Variants in SIPA1L3 observed in about 807,000 individuals in gnomAD.
SIPA1L3 encodes signal induced proliferation associated 1 like 3, also known as signal-induced proliferation-associated 1-like protein 3.
A neutral mutation model predicts 150.1 loss-of-function variants in SIPA1L3; 59 were observed. The observed-to-expected ratio is 0.39, with a 90% CI of 0.32 to 0.49. SIPA1L3 has a LOEUF of 0.49. Among genes scored for constraint, SIPA1L3 ranks in the 20% least tolerant of loss-of-function variants. The pLI, the probability that SIPA1L3 is intolerant of heterozygous loss-of-function variation, is 0.86. For synonymous variants in SIPA1L3, 1,070 were observed against 1,077.6 expected (o/e 0.99, Z 0.14); for missense variants, 2,211 against 2,489.5 (o/e 0.89, Z 2.38).
chr19:38,161,370 A>C (rs988984444), intron 13 of SIPA1L3, among the ~76,000 whole-genome samples: 6 of 151,160 alleles, frequency 4.0e-5, no homozygotes, highest in Non-Finnish European at 8.8e-5. Flanking sequence ...AACTATGTAC[A>C]TACAACCAAC....
intron 21 of SIPA1L3, 40 bp downstream of exon 21, chr19:38,204,248 G>T: frequency 6.6e-7 from 1 of 1,524,110 alleles, no homozygotes; most frequent in Non-Finnish European, 8.9e-7. Context: ...CCACTTCCCA[G>T]ACACTGGGCA....
At position 38,029,492 on chromosome 19, in the gene SIPA1L3, A is replaced by G. The variant is rs138513586; in HGVS notation, c.-311+336A>G. On this transcript the variant is annotated intron_variant, in intron 2 of 21. Transcript: ENST00000222345. ...TAGTATGTTTTGAAGATCTTTGCTC[A>G]TGAGCATACCTCAGCATATCATACA... Among the ~76,000 whole-genome samples, 224 of 152,352 alleles carry G rather than the reference A, an allele frequency of 1.5e-3. 1 individual carries two copies. The highest frequency in any genetic ancestry group is 4.5e-3 in the African/African-American group (186 of 41,586).
chr19:38,080,697 G>A (rs541772147), intron 2 of SIPA1L3, among the ~76,000 whole-genome samples: 2 of 152,216 alleles, frequency 1.3e-5, no homozygotes, highest in African/African-American at 4.8e-5. Context: ...GCCAGGTATG[G>A]TGGTTCATGC....
At chr19:38,143,441 T>A (rs8100956) in intron 12 of SIPA1L3, among the ~76,000 whole-genome samples, 1 of 151,572 alleles carries the variant, frequency 6.6e-6, no homozygotes, top group South Asian at 2.1e-4. Context: ...CCTTTCCCTG[T>A]TCTCTTGCCC....
intron 15 of SIPA1L3, among the ~76,000 whole-genome samples, chr19:38,176,723 GCACTT>G (rs907461230): frequency 1.6e-4 from 25 of 152,180 alleles, no homozygotes; most frequent in African/African-American, 6.0e-4. Flanking sequence ...TGTAATCCCA[GCACTT>G]TGGGAGGTCA....
At chr19:38,141,057 CAAAAAAAA>C (rs551813100) in intron 10 of SIPA1L3, 119 bp from the exon 11 acceptor site, 153 of 396,304 alleles carry the variant, frequency 3.9e-4, no homozygotes, top group South Asian at 9.1e-4. Flanking sequence ...GACTCTGTCT[CAAAAAAAA>C]AAAAAAAAAA....
chr19:38,121,177 A>T (rs1971008123), intron 9 of SIPA1L3, among the ~76,000 whole-genome samples: 1 of 147,694 alleles, frequency 6.8e-6, no homozygotes, highest in African/African-American at 2.6e-5. Flanking sequence ...TGCCGTTTCT[A>T]AAAAAAAAAT....
chr19:38,168,587 A>C (rs2145993517), intron 15 of SIPA1L3, among the ~76,000 whole-genome samples: 1 of 152,260 alleles, frequency 6.6e-6, no homozygotes, highest in South Asian at 2.1e-4. Context: ...AGTAGCCCCC[A>C]TTCCAGGCAT....
chr19:38,062,014 C>A (rs1019750152), intron 2 of SIPA1L3, among the ~76,000 whole-genome samples: 42 of 151,848 alleles, frequency 2.8e-4, no homozygotes, highest in African/African-American at 8.9e-4. Flanking sequence ...GCTCCCCACC[C>A]CTCACCCCGA....
At chr19:38,080,087 G>A (rs1223996521) in intron 2 of SIPA1L3, among the ~76,000 whole-genome samples, 2 of 152,074 alleles carry the variant, frequency 1.3e-5, no homozygotes, top group African/African-American at 4.8e-5. Context: ...AGTCACTGGG[G>A]AGATCTCAGT....
intron 1 of SIPA1L3, among the ~76,000 whole-genome samples, chr19:37,946,691 T>C (rs1201936564): frequency 2.0e-5 from 3 of 152,228 alleles, no homozygotes; most frequent in Non-Finnish European, 4.4e-5. Flanking sequence ...TCTTTTAGTT[T>C]TTTTTTGTTA....
At chr19:38,027,028 A>G (rs1398546860) in intron 1 of SIPA1L3, among the ~76,000 whole-genome samples, 1 of 152,166 alleles carries the variant, frequency 6.6e-6, no homozygotes, top group Non-Finnish European at 1.5e-5. Context: ...GTGGTGTTTC[A>G]CACCTGTAAT....
At chr19:38,030,642 A>ATATATATATATATATATATATATATATG (rs1555778714) in intron 2 of SIPA1L3, among the ~76,000 whole-genome samples, 52 of 75,326 alleles carry the variant, frequency 6.9e-4, no homozygotes, top group African/African-American at 2.0e-3. Context: ...ATATATATAT[A>ATATATATATATATATATATATATATATG]TATATATATG....
chr19:38,007,451 C>CAAAAA (rs1302582305), intron 1 of SIPA1L3, among the ~76,000 whole-genome samples: 1 of 23,824 alleles, frequency 4.2e-5, no homozygotes, highest in African/African-American at 2.9e-4. Flanking sequence ...AACTCTGTCT[C>CAAAAA]AAAAAAAAAA....
At chr19:37,928,686 G>T (rs1335266464) in intron 1 of SIPA1L3, among the ~76,000 whole-genome samples, 1 of 152,224 alleles carries the variant, frequency 6.6e-6, no homozygotes, top group Non-Finnish European at 1.5e-5. Context: ...TGTAAGTCTA[G>T]CTTGAGAATT....
intron 1 of SIPA1L3, among the ~76,000 whole-genome samples, chr19:37,969,827 C>G (rs1451638838): frequency 6.6e-6 from 1 of 152,176 alleles, no homozygotes; most frequent in African/African-American, 2.4e-5. Context: ...CCCTTCTGGA[C>G]TGTCCTGAAT....
chr19:37,940,663 C>T (rs2046646125), intron 1 of SIPA1L3, among the ~76,000 whole-genome samples: 1 of 152,144 alleles, frequency 6.6e-6, no homozygotes, highest in Non-Finnish European at 1.5e-5. Context: ...TCACTGCAAC[C>T]TCCGTCTCCC....
At chr19:38,172,141 A>G (rs1234481208) in intron 15 of SIPA1L3, among the ~76,000 whole-genome samples, 1 of 152,178 alleles carries the variant, frequency 6.6e-6, no homozygotes, top group Non-Finnish European at 1.5e-5. Flanking sequence ...GAGCTGGAGG[A>G]CAAAGCAACT....
chr19:37,970,622 A>G (rs1185486704), intron 1 of SIPA1L3, among the ~76,000 whole-genome samples: 1 of 152,190 alleles, frequency 6.6e-6, no homozygotes, highest in East Asian at 1.9e-4. Flanking sequence ...CTGAACTGGC[A>G]TGACTGCAAA....
Sources: allele counts gnomAD v4.1 joint callset (sites outside exome capture counted in the v4.1 genomes callset), GRCh38; gene constraint gnomAD v4.1.1; transcripts MANE v1.5; gene names NCBI Gene and HGNC (gene_info 2026-07-23, HGNC 2026-07-21).